NFATC1: variants seen among roughly 807,000 people sequenced by gnomAD.
The protein encoded by NFATC1 is nuclear factor of activated T-cells, cytoplasmic 1.
NFATC1 carries 22 observed loss-of-function variants against 76.0 expected under a neutral mutation model. The observed-to-expected ratio is 0.29, with a 90% CI of 0.21 to 0.41. NFATC1 has a LOEUF of 0.41. Among genes scored for constraint, NFATC1 ranks in the 10% least tolerant of loss-of-function variants. The probability of loss-of-function intolerance (pLI) is 1.00; values close to 1 mark genes in which losing one functional copy is unlikely to be tolerated. For synonymous variants in NFATC1, 704 were observed against 613.1 expected (o/e 1.15, Z -2.19); for missense variants, 1,357 against 1,337.7 (o/e 1.01, Z -0.23).
chr18:79,455,839 A>C (rs531856822), intron 6 of NFATC1, among the ~76,000 whole-genome samples: 1 of 150,576 alleles, frequency 6.6e-6, no homozygotes, highest in East Asian at 2.0e-4. Flanking sequence ...CACGTGGAGA[A>C]GACAGGCCTG....
intron 2 of NFATC1, among the ~76,000 whole-genome samples, chr18:79,416,553 G>A (rs529718282): frequency 3.3e-4 from 51 of 152,344 alleles, no homozygotes; most frequent in African/African-American, 9.9e-4. Context: ...CCAGCATAGC[G>A]AGACGTGTAA....
At chr18:79,497,158 TAAG>T (rs1334369141) in intron 9 of NFATC1, 1 of 152,258 alleles carries the variant, frequency 6.6e-6, no homozygotes, top group East Asian at 1.9e-4. Context: ...CACGTTTCCA[TAAG>T]AAGGACTGGA....
At chr18:79,498,582 A>G (rs1360511355) in intron 9 of NFATC1, among the ~76,000 whole-genome samples, 1 of 152,248 alleles carries the variant, frequency 6.6e-6, no homozygotes, top group Non-Finnish European at 1.5e-5. Context: ...AATGAGTTAT[A>G]GAAAGAGATG....
intron 9 of NFATC1, among the ~76,000 whole-genome samples, chr18:79,489,256 C>T (rs2089608337): frequency 6.6e-6 from 1 of 152,194 alleles, no homozygotes; most frequent in East Asian, 1.9e-4. Context: ...CCCGCCCTGG[C>T]CTGCCTGACT....
chr18:79,482,794 T>G (rs1211447738), intron 8 of NFATC1, among the ~76,000 whole-genome samples: 1 of 125,980 alleles, frequency 7.9e-6, no homozygotes, highest in Non-Finnish European at 1.7e-5. Flanking sequence ...GACCTGGTCC[T>G]GGGGTGTCAC....
chr18:79,451,896 C>G lies in NFATC1; in HGVS notation c.1903+80C>G, dbSNP rs1254599998. ...CGGTTCCCAGTCGGTGGAGCAGGAC[C>G]CACCTGTGCACGGTCACCGGGACGG... On this transcript the variant is annotated intron_variant, in intron 6 of 9. Coordinates refer to ENST00000427363, the MANE Select transcript of NFATC1 (RefSeq NM_001278669.2). 3.3e-6 allele frequency: 5 copies of G among 1,517,208 alleles called. No homozygotes were observed. The Admixed American group carries it at 9.5e-5, about 29-fold the overall frequency. The allele number at this position is 1,517,208 out of a possible 1,614,324, so 94.0% of individuals were successfully genotyped here. A position where few individuals can be genotyped will look rare whatever the true frequency, so the allele number is the denominator to read the frequency against.
intron 1 of NFATC1, among the ~76,000 whole-genome samples, chr18:79,397,123 T>C (rs2667437): frequency 0.96 from 146,188 of 152,238 alleles, 70,455 homozygotes; most frequent in East Asian, 1. Context: ...CACATTCCAG[T>C]CCCCCACCTT....
chr18:79,445,434 T>C (rs2087166143), intron 3 of NFATC1, among the ~76,000 whole-genome samples: 2 of 152,212 alleles, frequency 1.3e-5, no homozygotes, highest in Admixed American at 6.5e-5. Context: ...CCTGCCTGGT[T>C]CCCTGGCCCC....
intron 2 of NFATC1, among the ~76,000 whole-genome samples, chr18:79,427,552 G>A (rs1272022053): frequency 8.4e-6 from 1 of 118,778 alleles, no homozygotes; most frequent in South Asian, 3.4e-4. Context: ...GAGCTGGACG[G>A]CTGGCCTCTG....
At position 79,448,895 on chromosome 18, in the gene NFATC1, G is replaced by T. The variant is rs1188915463; in HGVS notation, c.1500G>T (p.Lys500Asn). The T allele has an allele frequency of 6.2e-7, 1 of 1,613,744 alleles. No individual in the cohort carries two copies. Among genetic ancestry groups the T allele is most frequent in the South Asian group, 1.1e-5 (1 of 91,084 alleles). ...AFYQVHRITG[K>N]TVSTTSHEAI... ...ACCAGGTGCACCGCATCACAGGGAA[G>T]ACCGTGTCCACCACCAGCCACGAGG... The change falls in exon 4 of 10, where the codon AAG becomes AAT. Residue 500 changes from lysine to asparagine, a missense_variant. Around this residue, in one of 3 missense-constraint regions of NFATC1, gnomAD observed 242 missense variants for 329.2 expected, o/e 0.74. Coordinates refer to ENST00000427363, the MANE Select transcript of NFATC1 (RefSeq NM_001278669.2).
intron 3 of NFATC1, among the ~76,000 whole-genome samples, chr18:79,446,903 T>C (rs1330799193): frequency 2.6e-5 from 4 of 152,168 alleles, no homozygotes; most frequent in Admixed American, 2.6e-4. Flanking sequence ...GCCTCTGGCT[T>C]TGTGTTTCAG....
At chr18:79,510,129 GC>G (rs796932087) in intron 9 of NFATC1, among the ~76,000 whole-genome samples, 1 of 151,810 alleles carries the variant, frequency 6.6e-6, no homozygotes, top group East Asian at 1.9e-4. Flanking sequence ...ATAACTCATA[GC>G]CCCCCCCAAG....
rs548916996 is a variant in NFATC1, at chr18:79,411,396, T to C, written c.1121T>C (p.Phe374Ser). ...ADFAPEDYSS[F>S]QHIRKGGFCD... ...TTCGCGCCCGAAGACTACTCCTCTTTCCAGCACATCAGGAAGGGCGGCTTC... is the reference window on the plus strand; with the variant it reads ...TTCGCGCCCGAAGACTACTCCTCTTCCCAGCACATCAGGAAGGGCGGCTTC... The change falls in exon 2 of 10, where the codon TTC becomes TCC. Residue 374 changes from phenylalanine (F) to serine (S), a missense_variant. Physicochemically the swap from Phe to Ser is radical, Grantham distance 155. Around this residue, in one of 3 missense-constraint regions of NFATC1, gnomAD observed 691 missense variants for 613.1 expected, o/e 1.13. Coordinates refer to ENST00000427363, the MANE Select transcript of NFATC1 (RefSeq NM_001278669.2). 9.5e-6 allele frequency: 15 copies of C among 1,573,066 alleles called. No individual in the cohort carries two copies. In the African/African-American group the frequency reaches 1.1e-4, roughly 11 times the overall value.
At chr18:79,406,789 C>T (rs1267052662) in intron 1 of NFATC1, among the ~76,000 whole-genome samples, 5 of 152,156 alleles carry the variant, frequency 3.3e-5, no homozygotes, top group African/African-American at 1.2e-4. Context: ...ACCGCGCCTT[C>T]CTTCTGTCCA....
chr18:79,479,824 CAGGG>C (rs2089210801), intron 8 of NFATC1, among the ~76,000 whole-genome samples: 1 of 152,212 alleles, frequency 6.6e-6, no homozygotes, highest in African/African-American at 2.4e-5. Context: ...AGGGCAAGGA[CAGGG>C]AGATGGGGCA....
intron 1 of NFATC1, among the ~76,000 whole-genome samples, chr18:79,401,289 T>C (rs1458750698): frequency 3.3e-5 from 5 of 152,016 alleles, no homozygotes. Flanking sequence ...CGGAGGAGCT[T>C]GGCAAGCAGG....
rs910181339 is a variant in NFATC1, at chr18:79,402,500, C to T, written c.127+6149C>T. 4.9e-5 allele frequency: 33 copies of T among 668,726 alleles called. 1 individual carries two copies. The South Asian group carries it at 1.6e-3, about 33-fold the overall frequency. 41.4% of individuals were successfully genotyped at this position (668,726 alleles called of 1,614,324 possible). A position where few individuals can be genotyped will look rare whatever the true frequency, so the allele number is the denominator to read the frequency against. Reference sequence around the variant, plus strand: ...AGGCACCCTGGGCCCTCCGGAGCTGCGCCCTTCCCCGGGAGCCCCGCAGAG... The same window carrying T: ...AGGCACCCTGGGCCCTCCGGAGCTGTGCCCTTCCCCGGGAGCCCCGCAGAG... On this transcript the variant is annotated intron_variant, in intron 1 of 9. Coordinates refer to ENST00000427363, the MANE Select transcript of NFATC1 (RefSeq NM_001278669.2).
rs1328245440 is a variant in NFATC1 at position 79,425,191 on chromosome 18, C to CTCTCTGTTTCTCTCCCTGTCTCTG, written c.1227-8382_1227-8359dup. Among the ~76,000 whole-genome samples, 3 of 151,592 alleles carry CTCTCTGTTTCTCTCCCTGTCTCTG rather than the reference C, an allele frequency of 2.0e-5. 1 individual carries two copies. Among genetic ancestry groups the CTCTCTGTTTCTCTCCCTGTCTCTG allele is most frequent in the Non-Finnish European group, 4.4e-5 (3 of 68,004 alleles). On this transcript the variant is annotated intron_variant, in intron 2 of 9. Coordinates refer to ENST00000427363, the MANE Select transcript of NFATC1 (RefSeq NM_001278669.2). The stretch of plus-strand genomic sequence containing the variant: ...TCTCCATCTGTCTCTCTGTCTCTGT[C>CTCTCTGTTTCTCTCCCTGTCTCTG]TCTCTGTTTCTCTCCCTGTCTCTGT...
chr18:79,450,290 G>T (rs2087408843), intron 4 of NFATC1, among the ~76,000 whole-genome samples: 1 of 152,058 alleles, frequency 6.6e-6, no homozygotes, highest in Non-Finnish European at 1.5e-5. Context: ...AGTTTTGAAT[G>T]AAATTGTTAA....
Sources: gnomAD v4.1 joint callset for allele counts (sites outside exome capture counted in the v4.1 genomes callset) on GRCh38, gnomAD v4.1.1 for gene constraint, gnomAD v4.1.1 regional missense constraint, MANE v1.5 for transcripts, NCBI Gene and HGNC (gene_info 2026-07-23, HGNC 2026-07-21) for gene names.